The following COX16 variants were observed in gnomAD, a reference collection of about 807,000 sequenced individuals.
The protein encoded by COX16 is cytochrome c oxidase assembly factor COX16.
In COX16, 12 loss-of-function variants were observed where a neutral mutation model predicts 15.4. The ratio of observed to expected loss-of-function variants is 0.78; its 90% confidence interval spans 0.50 to 1.26. COX16 has a LOEUF of 1.26. Ranked by LOEUF, COX16 falls within the 50% of genes most tolerant of loss-of-function variation. The pLI is 0.00. For missense variants in COX16, 124 were observed against 127.6 expected (o/e 0.97, Z 0.14); for synonymous variants, 46 against 41.1 (o/e 1.12, Z -0.46).
At chr14:70,353,227 C>T (rs1216530191) in intron 1 of COX16, among the ~76,000 whole-genome samples, 3 of 144,356 alleles carry the variant, frequency 2.1e-5, no homozygotes, top group Middle Eastern at 7.2e-3. Flanking sequence ...CGCCACTGTA[C>T]TCCAGCCTGG....
chr14:70,358,378 T>TA (rs59767092), intron 1 of COX16, among the ~76,000 whole-genome samples: 28,913 of 139,758 alleles, frequency 0.21, 3,854 homozygotes, highest in East Asian at 0.61. Flanking sequence ...ACAATTTTTT[T>TA]TTTTTTTTTT....
At chr14:70,348,931 AC>A (rs971984437) in intron 1 of COX16, among the ~76,000 whole-genome samples, 27 of 152,178 alleles carry the variant, frequency 1.8e-4, no homozygotes, top group African/African-American at 6.0e-4. Context: ...TAGCCCTGCA[AC>A]CCATGCAAGG....
intron 1 of COX16, among the ~76,000 whole-genome samples, chr14:70,354,545 T>C (rs1887064520): frequency 6.6e-6 from 1 of 152,180 alleles, no homozygotes; most frequent in African/African-American, 2.4e-5. Context: ...AACTCCCTGG[T>C]TGGTAAACAC....
chr14:70,356,999 G>A (rs147486662), intron 1 of COX16, among the ~76,000 whole-genome samples: 1 of 151,762 alleles, frequency 6.6e-6, no homozygotes, highest in African/African-American at 2.4e-5. Context: ...AAGTGAAGAG[G>A]GTAGAGAGGT....
At chr14:70,335,113 TTATA>T (rs1886410125) in intron 2 of COX16, among the ~76,000 whole-genome samples, 1 of 149,660 alleles carries the variant, frequency 6.7e-6, no homozygotes, top group Admixed American at 6.7e-5. Flanking sequence ...ACGAAGGAAA[TTATA>T]TAATGATAAA....
chr14:70,332,691 C>T (rs1886327605), intron 2 of COX16, among the ~76,000 whole-genome samples: 1 of 152,158 alleles, frequency 6.6e-6, no homozygotes, highest in Admixed American at 6.5e-5. Flanking sequence ...CCCACTGATG[C>T]AGTGACCTGC....
chr14:70,341,854 T>A (rs1886632607), intron 2 of COX16, among the ~76,000 whole-genome samples: 1 of 151,986 alleles, frequency 6.6e-6, no homozygotes, highest in South Asian at 2.1e-4. Context: ...GGATCATCTG[T>A]GTGTGTGTGA....
At chr14:70,354,338 A>G (rs1027225100) in intron 1 of COX16, among the ~76,000 whole-genome samples, 2 of 152,256 alleles carry the variant, frequency 1.3e-5, no homozygotes, top group Non-Finnish European at 2.9e-5. Context: ...ATGAAAAGAT[A>G]CAGGCAGGCC....
chr14:70,349,679 C>G (rs576911161), intron 1 of COX16, among the ~76,000 whole-genome samples: 4 of 152,316 alleles, frequency 2.6e-5, no homozygotes, highest in Non-Finnish European at 5.9e-5. Flanking sequence ...CCTCATAAGG[C>G]TCTGCGCAAC....
chr14:70,345,405 C>G (rs1886748428), intron 1 of COX16, among the ~76,000 whole-genome samples: 1 of 152,198 alleles, frequency 6.6e-6, no homozygotes, highest in African/African-American at 2.4e-5. Flanking sequence ...TATCATCTCC[C>G]TCCAGGATGG....
chr14:70,329,972 TA>T (rs1234198346), intron 2 of COX16, among the ~76,000 whole-genome samples: 2 of 151,984 alleles, frequency 1.3e-5, no homozygotes, highest in African/African-American at 4.8e-5. Flanking sequence ...AAGCTAGACC[TA>T]AAAGTTCTAA....
intron 1 of COX16, among the ~76,000 whole-genome samples, chr14:70,358,538 A>C (rs1335668680): frequency 1.3e-5 from 2 of 151,966 alleles, no homozygotes; most frequent in Non-Finnish European, 2.9e-5. Context: ...GGAGATTCCT[A>C]AAATCCACAT....
intron 1 of COX16, among the ~76,000 whole-genome samples, chr14:70,346,367 G>A (rs1886781115): frequency 6.6e-6 from 1 of 152,242 alleles, no homozygotes; most frequent in Non-Finnish European, 1.5e-5. Context: ...CCACACGGAA[G>A]CCTCCTAGCA....
intron 3 of COX16, chr14:70,328,072 A>ATTTTTTTTTCTTTTTTTTTT (rs1886143719): frequency 1.2e-5 from 1 of 80,840 alleles, no homozygotes; most frequent in Non-Finnish European, 2.2e-5. Flanking sequence ...TGAGAATAAG[A>ATTTTTTTTTCTTTTTTTTTT]TTTTTTTTTT....
chr14:70,343,723 G>A (rs993189143), intron 1 of COX16, among the ~76,000 whole-genome samples: 10 of 152,012 alleles, frequency 6.6e-5, no homozygotes, highest in African/African-American at 2.4e-4. Flanking sequence ...GTTTTTGCTG[G>A]CACCTATTTG....
chr14:70,351,451 C>T (rs1020284549), intron 1 of COX16, among the ~76,000 whole-genome samples: 1 of 152,196 alleles, frequency 6.6e-6, no homozygotes, highest in Non-Finnish European at 1.5e-5. Flanking sequence ...AACACATATA[C>T]CCCTTGCAGA....
chr14:70,343,913 A>G (rs118187136), intron 1 of COX16, among the ~76,000 whole-genome samples: 3,703 of 152,278 alleles, frequency 0.024, 76 homozygotes, highest in Admixed American at 0.069. Flanking sequence ...TTATTACTCA[A>G]ATCAGTCTCC....
At chr14:70,352,198 A>T (rs72733773) in intron 1 of COX16, among the ~76,000 whole-genome samples, 12,003 of 152,040 alleles carry the variant, frequency 0.079, 587 homozygotes, top group Non-Finnish European at 0.11. Flanking sequence ...TTATTTATTT[A>T]TTTTTTGAGA....
At chr14:70,345,415 G>C (rs533204055) in intron 1 of COX16, among the ~76,000 whole-genome samples, 2 of 152,256 alleles carry the variant, frequency 1.3e-5, no homozygotes, top group South Asian at 4.2e-4. Context: ...CTCCAGGATG[G>C]TCTCCTTTTT....
Sources: gnomAD v4.1 joint callset for allele counts (sites outside exome capture counted in the v4.1 genomes callset) on GRCh38, gnomAD v4.1.1 for gene constraint, MANE v1.5 for transcripts, NCBI Gene and HGNC (gene_info 2026-07-23, HGNC 2026-07-21) for gene names.